Variants in DOCK8 observed in about 807,000 individuals in gnomAD.
The protein encoded by DOCK8 is dedicator of cytokinesis 8.
A neutral mutation model predicts 245.6 loss-of-function variants in DOCK8; 141 were observed. That is an observed-to-expected ratio of 0.57 (90% CI 0.50 to 0.66). DOCK8 has a LOEUF of 0.66. Ranked by LOEUF, DOCK8 falls within the 30% of genes least tolerant of loss-of-function variation. DOCK8 has a pLI of 0.00. For synonymous variants in DOCK8, 1,168 were observed against 970.2 expected (o/e 1.20, Z -3.79); for missense variants, 2,965 against 2,603.4 (o/e 1.14, Z -3.02).
chr9:456,723 C>G (rs925044994), intron 46 of DOCK8: 1 of 151,996 alleles, frequency 6.6e-6, no homozygotes, highest in Non-Finnish European at 1.5e-5. Context: ...TAAAAAACAT[C>G]TCGGGTTCAG....
Position 464,319 on chromosome 9 carries a change from T to C in DOCK8, c.*100T>C. The C allele has an allele frequency of 1.0e-6, 1 of 985,606 alleles. No homozygotes were observed. Among genetic ancestry groups the C allele is most frequent in the South Asian group, 1.3e-5 (1 of 78,326 alleles). The allele number at this position is 985,606 out of a possible 1,614,324, so 61.1% of individuals were successfully genotyped here. On this transcript the variant is annotated 3_prime_UTR_variant, in exon 48 of 48. Transcript: ENST00000432829. Reference sequence around the variant, plus strand: ...GACATTTGCCACCCAGGACTGACTGTACACTCCCTGATCAGCCAGCACTCT... The same window carrying C: ...GACATTTGCCACCCAGGACTGACTGCACACTCCCTGATCAGCCAGCACTCT...
chr9:418,657 TG>T (rs1401449962), intron 30 of DOCK8, among the ~76,000 whole-genome samples: 1 of 152,202 alleles, frequency 6.6e-6, no homozygotes, highest in Non-Finnish European at 1.5e-5. Flanking sequence ...ATTGTGAGGC[TG>T]GCAGCTGAGG....
intron 40 of DOCK8, among the ~76,000 whole-genome samples, chr9:440,270 T>C (rs2057052424): frequency 6.6e-6 from 1 of 152,204 alleles, no homozygotes. Flanking sequence ...TCTGCCCATC[T>C]TGGCCTCCCA....
intron 5 of DOCK8, among the ~76,000 whole-genome samples, chr9:306,884 G>C (rs1160417685): frequency 6.6e-6 from 1 of 152,162 alleles, no homozygotes; most frequent in Admixed American, 6.5e-5. Flanking sequence ...CCCTGAGAAG[G>C]TACTGCCCAG....
chr9:373,869 C>G (rs532375266), intron 18 of DOCK8, among the ~76,000 whole-genome samples: 1 of 152,298 alleles, frequency 6.6e-6, no homozygotes, highest in South Asian at 2.1e-4. Context: ...CAGTATCCCT[C>G]AAAACCACCT....
rs189393588 is a variant in DOCK8 at position 379,802 on chromosome 9, G to T, written c.2472G>T (p.Val824=). The T allele has an allele frequency of 1.2e-6, 2 of 1,614,166 alleles. No individual in the cohort carries two copies. Among genetic ancestry groups the T allele is most frequent in the East Asian group, 4.5e-5 (2 of 44,878 alleles). The change falls in exon 21 of 48, where the codon GTG becomes GTT. Residue 824 remains valine, a synonymous_variant. Coordinates refer to ENST00000432829, the MANE Select transcript of DOCK8 (RefSeq NM_203447.4). ...TCTCCCAGTTTGCCTTCGAGTCCGT[G>T]GTGGCCATCGCCAACAGTCTGCACA... is the stretch of plus-strand genomic sequence containing the variant. The part of the protein sequence containing the change: ...ANFSQFAFES[V]VAIANSLHNS...
At chr9:299,429 T>C (rs2049423343) in intron 4 of DOCK8, among the ~76,000 whole-genome samples, 1 of 152,024 alleles carries the variant, frequency 6.6e-6, no homozygotes, top group Non-Finnish European at 1.5e-5. Flanking sequence ...ACTCGGCTAA[T>C]TTTTTGTGTT....
intron 1 of DOCK8, among the ~76,000 whole-genome samples, chr9:228,531 C>G (rs2047035990): frequency 6.6e-6 from 1 of 151,948 alleles, no homozygotes. Context: ...TTATGTTTTT[C>G]TGTTTACAAA....
At chr9:308,529 C>G (rs2049949787) in intron 5 of DOCK8, among the ~76,000 whole-genome samples, 1 of 152,120 alleles carries the variant, frequency 6.6e-6, no homozygotes, top group African/African-American at 2.4e-5. Flanking sequence ...AAAATTTAAA[C>G]AAGTATATGA....
At chr9:365,965 G>C (rs1052264541) in intron 14 of DOCK8, 2 of 242,626 alleles carry the variant, frequency 8.2e-6, no homozygotes, top group Admixed American at 1.0e-4. Context: ...CAGGGTTTTG[G>C]GCTCTGCCTC....
chr9:285,874 A>G (rs2048803832), intron 2 of DOCK8, among the ~76,000 whole-genome samples: 1 of 152,196 alleles, frequency 6.6e-6, no homozygotes, highest in Non-Finnish European at 1.5e-5. Context: ...GACCAGCACC[A>G]GTCGCCCCAG....
At chr9:317,251 C>G (rs577533693) in intron 7 of DOCK8, 123 bp downstream of exon 7, 2 of 817,176 alleles carry the variant, frequency 2.4e-6, no homozygotes, top group South Asian at 2.9e-5. Context: ...TAACAGTGGG[C>G]AGCTGTGGAG....
intron 2 of DOCK8, among the ~76,000 whole-genome samples, chr9:282,239 G>T (rs1187216423): frequency 6.6e-6 from 1 of 152,108 alleles, no homozygotes; most frequent in Non-Finnish European, 1.5e-5. Flanking sequence ...CAGGAGCTCA[G>T]TATGCCCTAC....
At chr9:251,039 G>A (rs542261877) in intron 1 of DOCK8, among the ~76,000 whole-genome samples, 1 of 152,158 alleles carries the variant, frequency 6.6e-6, no homozygotes, top group Admixed American at 6.5e-5. Flanking sequence ...GAAGCAAAGA[G>A]GAGTCTAGGG....
At chr9:325,073 C>T (rs375897169) in intron 7 of DOCK8, among the ~76,000 whole-genome samples, 25 of 152,176 alleles carry the variant, frequency 1.6e-4, no homozygotes, top group Non-Finnish European at 3.7e-4. Flanking sequence ...CATTTGGTTT[C>T]CATTCCTGAG....
intron 24 of DOCK8, 24 bp downstream of exon 24, chr9:390,590 C>G (rs1401338208): frequency 6.2e-7 from 1 of 1,604,982 alleles, no homozygotes; most frequent in African/African-American, 1.3e-5. Context: ...GCGTTTGTAT[C>G]TGTGCTCAAT....
chr9:428,972 A>ATTTATTTG (rs1564057578), intron 35 of DOCK8, among the ~76,000 whole-genome samples: 1 of 151,962 alleles, frequency 6.6e-6, no homozygotes, highest in African/African-American at 2.4e-5. Context: ...TTATTTATTT[A>ATTTATTTG]TTTATTTATT....
In DOCK8 at chr9:364,719, C is replaced by T. The variant is rs547163891; in HGVS notation, c.1680-3299C>T. 2.0e-5 allele frequency among the ~76,000 whole-genome samples: 3 copies of T among 149,856 alleles called. No homozygotes were observed. The South Asian group carries it at 6.3e-4, about 32-fold the overall frequency. ...AATGTGTTAAAGTCTTAACGGTGAT[C>T]TTCCTTGGAGCAATGATATAGTGGG... On this transcript the variant is annotated intron_variant, in intron 14 of 47. Coordinates refer to ENST00000432829, the MANE Select transcript of DOCK8 (RefSeq NM_203447.4).
chr9:453,904 T>C (rs2057543988), intron 46 of DOCK8, among the ~76,000 whole-genome samples: 3 of 152,244 alleles, frequency 2.0e-5, no homozygotes, highest in Non-Finnish European at 4.4e-5. Context: ...AAAGGACCTA[T>C]GAAATGTTTG....
Sources: allele counts gnomAD v4.1 joint callset (sites outside exome capture counted in the v4.1 genomes callset), GRCh38; gene constraint gnomAD v4.1.1; transcripts MANE v1.5; gene names NCBI Gene and HGNC (gene_info 2026-07-23, HGNC 2026-07-21).